The following FTCD variants were observed in gnomAD, a reference collection of about 807,000 sequenced individuals.
FTCD encodes the protein formimidoyltransferase-cyclodeaminase.
FTCD carries 76 observed loss-of-function variants against 62.9 expected under a neutral mutation model. That is an observed-to-expected ratio of 1.21 (90% CI 1.00 to 1.46). The LOEUF is 1.46. Among genes scored for constraint, FTCD ranks in the 40% most tolerant of loss-of-function variants. The pLI is 0.00. For synonymous variants in FTCD, 397 were observed against 336.9 expected (o/e 1.18, Z -1.95); for missense variants, 845 against 751.3 (o/e 1.12, Z -1.46).
chr21:46,155,307 G>A (rs2079402844), intron 1 of FTCD, among the ~76,000 whole-genome samples, 163 bp downstream of exon 1: 2 of 152,154 alleles, frequency 1.3e-5, no homozygotes, highest in Non-Finnish European at 2.9e-5. Context: ...ACTCCCCAGG[G>A]CCCTGAGCCA....
At chr21:46,152,748 T>A in intron 3 of FTCD, 159 bp downstream of exon 3, 1 of 622,788 alleles carries the variant, frequency 1.6e-6, no homozygotes, top group South Asian at 2.4e-5. Context: ...CTGCGTTTAT[T>A]TCGGTATTGA....
In FTCD at chr21:46,144,868, T is replaced by C. The variant is rs528385147; in HGVS notation, c.1260+549A>G. 7.3e-5 allele frequency among the ~76,000 whole-genome samples: 11 copies of C among 150,406 alleles called. No homozygotes were observed. The East Asian group carries it at 2.0e-3, about 28-fold the overall frequency. ...CTAGGCTCTGAGCACCCAGCACCCA[T>C]CTGTGGGCACATCCTGCCAGCTGAT... On this transcript the variant is annotated intron_variant, in intron 10 of 13. Transcript: ENST00000397746.
chr21:46,155,474 T>C lies in FTCD; in HGVS notation c.50A>G (p.Gln17Arg), dbSNP rs1336240693. 1.2e-6 allele frequency: 2 copies of C among 1,612,734 alleles called. No individual in the cohort carries two copies. The highest frequency in any genetic ancestry group is 1.7e-6 in the Non-Finnish European group (2 of 1,179,596). Residue 17 changes from glutamine (Q) to arginine (R), a missense_variant, in exon 1 of 14, where the codon CAG (glutamine) becomes CGG (arginine). Transcript: ENST00000397746. ...GACCAGCTCCTCGGGCCTCACCTCC[T>C]GGTTCTTCCCCTCCGAAAAGTTGGG... is the stretch of plus-strand genomic sequence containing the variant. Reference protein sequence around the residue: ...CVPNFSEGKNQEVIDAISGAI... With the variant: ...CVPNFSEGKNREVIDAISGAI...
intron 7 of FTCD, among the ~76,000 whole-genome samples, chr21:46,149,233 A>G (rs2079212750): frequency 6.6e-6 from 1 of 152,230 alleles, no homozygotes; most frequent in South Asian, 2.1e-4. Flanking sequence ...AAACGCACCA[A>G]TGATTGAGGC....
Position 46,152,902 on chromosome 21 carries a change from C to T in FTCD, c.367+5G>A. 1.3e-6 allele frequency: 2 copies of T among 1,569,766 alleles called. No homozygotes were observed. Among genetic ancestry groups the T allele is most frequent in the Middle Eastern group, 1.7e-4 (1 of 5,994 alleles). On this transcript the variant is annotated splice_donor_5th_base_variant and intron_variant, in intron 3 of 13. Coordinates refer to ENST00000397746, the MANE Select transcript of FTCD (RefSeq NM_206965.2). The stretch of plus-strand genomic sequence containing the variant: ...AGAGTGAGGGGGGCGGGGGGGCACG[C>T]TCACCTGGCACGTCCAGCTCCTCTG...
At chr21:46,138,717 A>G (rs544813975) in intron 11 of FTCD, 71 bp from the exon 12 acceptor site, 3 of 1,532,106 alleles carry the variant, frequency 2.0e-6, no homozygotes, top group East Asian at 4.5e-5. Context: ...CTGCACCCCA[A>G]CAGGGCTGAG....
chr21:46,148,104 A>G (rs2079191013), intron 7 of FTCD, among the ~76,000 whole-genome samples: 1 of 152,226 alleles, frequency 6.6e-6, no homozygotes, highest in Non-Finnish European at 1.5e-5. Context: ...CTGGAATTTC[A>G]GTAATAAACA....
chr21:46,151,310 G>A (rs2079267315), intron 5 of FTCD, among the ~76,000 whole-genome samples: 1 of 152,250 alleles, frequency 6.6e-6, no homozygotes, highest in Non-Finnish European at 1.5e-5. Flanking sequence ...ACAAAGGGAA[G>A]TCCTGCCTCG....
Position 46,149,703 on chromosome 21 carries a change from A to T in FTCD, c.906+416T>A, listed in dbSNP as rs540764785. 7.9e-4 allele frequency among the ~76,000 whole-genome samples: 121 copies of T among 152,294 alleles called. 3 individuals are homozygous for T. The South Asian group carries it at 0.024, about 30-fold the overall frequency. On this transcript the variant is annotated intron_variant, in intron 7 of 13. Transcript: ENST00000397746. ...CTTGAGGCCCAGGTGTCCACAAGAC[A>T]AAAGGAATCACTTTCTGAAGGAGCC...
Position 46,154,337 on chromosome 21 carries a change from G to T in FTCD, c.55-5C>A, listed in dbSNP as rs1568987602. ...TCCAGAGATGGCGTCGATCACCTGG[G>T]ACACAGGCCCGGCCCCCACACCTCA... On this transcript the variant is annotated splice_region_variant and splice_polypyrimidine_tract_variant and intron_variant, in intron 1 of 13. Transcript: ENST00000397746. 1.2e-6 allele frequency: 2 copies of T among 1,608,296 alleles called. No individual in the cohort carries two copies. The highest frequency in any genetic ancestry group is 1.7e-6 in the Non-Finnish European group (2 of 1,178,772).
At chr21:46,136,379 G>A, downstream of FTCD, 4 of 1,524,050 alleles carry the variant, frequency 2.6e-6, no homozygotes, top group Admixed American at 1.7e-5. Context: ...GGGTGGACGG[G>A]AACTGAGGAC....
At chr21:46,148,069 A>G (rs892441011) in intron 7 of FTCD, among the ~76,000 whole-genome samples, 8 of 152,220 alleles carry the variant, frequency 5.3e-5, no homozygotes, top group Non-Finnish European at 1.2e-4. Flanking sequence ...ATGACGTTGG[A>G]ATGCTGTCAC....
intron 7 of FTCD, chr21:46,146,980 A>C (rs565034530): frequency 6.6e-6 from 1 of 152,644 alleles, no homozygotes; most frequent in Admixed American, 6.5e-5. Context: ...CTTCCGCAGA[A>C]AACCCCAGGA....
At chr21:46,152,078 G>T in intron 3 of FTCD, 98 bp from the exon 4 acceptor site, 1 of 823,556 alleles carries the variant, frequency 1.2e-6, no homozygotes, top group Non-Finnish European at 2.0e-6. Flanking sequence ...GCCTAACCCA[G>T]GAATGGGCCT....
Position 46,151,545 on chromosome 21 carries a change from T to C in FTCD, c.636+13A>G, listed in dbSNP as rs1476006327. 8 of 1,609,860 alleles carry C rather than the reference T, an allele frequency of 5.0e-6. No homozygotes were observed. Among genetic ancestry groups the C allele is most frequent in the African/African-American group, 1.3e-5 (1 of 74,894 alleles). The stretch of plus-strand genomic sequence containing the variant: ...GCTGGGTGGGGCTCCATGGGGTCAG[T>C]GAACGGGGTCACCTGGTCCTTCCCG... On this transcript the variant is annotated intron_variant, in intron 5 of 13. Transcript: ENST00000397746.
intron 5 of FTCD, among the ~76,000 whole-genome samples, 169 bp downstream of exon 5, chr21:46,151,389 C>T (rs1365374731): frequency 6.6e-6 from 1 of 152,236 alleles, no homozygotes; most frequent in East Asian, 1.9e-4. Context: ...CCGACCTGCG[C>T]GGTCCCCGCA....
intron 2 of FTCD, 72 bp from the exon 3 acceptor site, chr21:46,153,107 A>AC: frequency 6.8e-7 from 1 of 1,474,034 alleles, no homozygotes; most frequent in Non-Finnish European, 9.1e-7. Flanking sequence ...GGGTTCTCGG[A>AC]CCCTCTGTCC....
chr21:46,150,538 A>G lies in FTCD; in HGVS notation c.637-13T>C. On this transcript the variant is annotated splice_polypyrimidine_tract_variant and intron_variant, in intron 5 of 13. Transcript: ENST00000397746. ...TCAGACGTCCTGGCTGCAAAGGAAG[A>G]GCGTTCCCCAGCCTGGACTAGGAAG... 6.2e-7 allele frequency: 1 copy of G among 1,612,908 alleles called. No homozygotes were observed.
intron 10 of FTCD, among the ~76,000 whole-genome samples, chr21:46,141,287 T>C (rs945351256): frequency 5.4e-5 from 8 of 149,504 alleles, no homozygotes; most frequent in Non-Finnish European, 1.0e-4. Context: ...AGGTACCTGC[T>C]ACCACGCCTG....
Sources: gnomAD v4.1 joint callset for allele counts (sites outside exome capture counted in the v4.1 genomes callset) on GRCh38, gnomAD v4.1.1 for gene constraint, MANE v1.5 for transcripts, NCBI Gene and HGNC (gene_info 2026-07-23, HGNC 2026-07-21) for gene names.